Variants in DOCK7 observed in about 807,000 individuals in gnomAD.
The protein encoded by DOCK7 is dedicator of cytokinesis protein 7.
DOCK7 carries 138 observed loss-of-function variants against 271.0 expected under a neutral mutation model. That is an observed-to-expected ratio of 0.51 (90% CI 0.44 to 0.59). The LOEUF (loss-of-function observed/expected upper bound fraction) is 0.59. Ranked by LOEUF, DOCK7 falls within the 20% of genes least tolerant of loss-of-function variation. DOCK7 has a pLI of 0.00. For missense variants in DOCK7, 2,066 were observed against 2,592.4 expected, an observed-to-expected ratio of 0.80 and a Z score of 4.41; for synonymous variants, 823 against 876.1, an observed-to-expected ratio of 0.94 and a Z score of 1.07.
At chr1:62,594,212 C>G (rs1056793603) in intron 14 of DOCK7, among the ~76,000 whole-genome samples, 1 of 152,066 alleles carries the variant, frequency 6.6e-6, no homozygotes, top group Non-Finnish European at 1.5e-5. Context: ...CTGCTTTTAG[C>G]AGTGTGTACT....
At chr1:62,637,356 T>C (rs1451499024) in intron 7 of DOCK7, among the ~76,000 whole-genome samples, 1 of 152,206 alleles carries the variant, frequency 6.6e-6, no homozygotes. Flanking sequence ...AATGAAATAA[T>C]ATATAATGTG....
intron 14 of DOCK7, among the ~76,000 whole-genome samples, chr1:62,616,254 C>T (rs1281946847): frequency 6.6e-6 from 1 of 151,682 alleles, no homozygotes; most frequent in Non-Finnish European, 1.5e-5. Flanking sequence ...GCGCATTACT[C>T]AATTCCCATT....
In DOCK7 at chr1:62,520,831, T is replaced by C. The variant is rs531370926; in HGVS notation, c.3937-6933A>G. ...ATGTTTACTGTGGCACTATTCACAG[T>C]AGCAAAGACTTAGAAACAATCCCAA... On this transcript the variant is annotated intron_variant, in intron 31 of 49. Coordinates refer to ENST00000635253, the MANE Select transcript of DOCK7 (RefSeq NM_001367561.1). Among the ~76,000 whole-genome samples the C allele has an allele frequency of 2.6e-4, 39 of 152,278 alleles. No homozygotes were observed. In the South Asian group the frequency reaches 6.8e-3, roughly 27 times the overall value.
At chr1:62,675,751 C>T (rs1214297023) in intron 1 of DOCK7, among the ~76,000 whole-genome samples, 1 of 151,684 alleles carries the variant, frequency 6.6e-6, no homozygotes, top group African/African-American at 2.4e-5. Context: ...CGCCACTGTA[C>T]TCCAGCCTGG....
rs767090637 is a variant in DOCK7 at position 62,543,672 on chromosome 1, C to T, written c.2933G>A (p.Arg978His). ...TGAATCTACCTTTTTAGTTGGTAAGCGTCCCGTTAATGTTTGTAAGAAACT... is the reference window on the plus strand; with the variant it reads ...TGAATCTACCTTTTTAGTTGGTAAGTGTCCCGTTAATGTTTGTAAGAAACT... ...TSSFLQTLTG[R>H]LPTKKLFHEE... The change falls in exon 24 of 50, where the codon CGC becomes CAC. Residue 978 changes from arginine (R) to histidine (H), a missense_variant. By Grantham distance (29) the Arg-to-His change is conservative (BLOSUM62 0). This residue lies in a region of DOCK7 where 1,414 missense variants were observed against 1,670.4 expected (regional missense o/e 0.85). Coordinates refer to ENST00000635253, the MANE Select transcript of DOCK7 (RefSeq NM_001367561.1). 1.9e-6 allele frequency: 3 copies of T among 1,599,620 alleles called. No individual in the cohort carries two copies. Among genetic ancestry groups the T allele is most frequent in the South Asian group, 2.2e-5 (2 of 89,240 alleles).
intron 31 of DOCK7, among the ~76,000 whole-genome samples, chr1:62,526,156 G>A (rs1645001563): frequency 6.6e-6 from 1 of 152,064 alleles, no homozygotes; most frequent in Non-Finnish European, 1.5e-5. Flanking sequence ...CCCCAGGCTG[G>A]TCTCAAACTC....
chr1:62,541,645 T>C (rs1490838155), intron 25 of DOCK7, among the ~76,000 whole-genome samples: 1 of 152,152 alleles, frequency 6.6e-6, no homozygotes, highest in African/African-American at 2.4e-5. Flanking sequence ...ATAATATGAA[T>C]AACATACAAA....
At chr1:62,618,318 A>G (rs762311786) in intron 14 of DOCK7, among the ~76,000 whole-genome samples, 3 of 152,160 alleles carry the variant, frequency 2.0e-5, no homozygotes, top group Non-Finnish European at 4.4e-5. Context: ...AAAACATTTG[A>G]GAAAACATAG....
At chr1:62,640,454 G>A (rs371085076) in intron 7 of DOCK7, among the ~76,000 whole-genome samples, 4 of 152,216 alleles carry the variant, frequency 2.6e-5, no homozygotes, top group African/African-American at 9.6e-5. Flanking sequence ...CCCGGGAGGC[G>A]GAGGTTGCAG....
intron 1 of DOCK7, among the ~76,000 whole-genome samples, chr1:62,666,341 C>T (rs1659315753): frequency 6.6e-6 from 1 of 152,002 alleles, no homozygotes; most frequent in Non-Finnish European, 1.5e-5. Flanking sequence ...CAAAAAGAGG[C>T]AATCTTTTGT....
At chr1:62,455,510 A>G in intron 49 of DOCK7, 54 bp from the exon 50 acceptor site, 1 of 1,522,688 alleles carries the variant, frequency 6.6e-7, no homozygotes, top group Non-Finnish European at 9.1e-7. Flanking sequence ...TTTTGCATAT[A>G]CCTTTAAATG....
At chr1:62,596,459 A>AT (rs565874988) in intron 14 of DOCK7, among the ~76,000 whole-genome samples, 1 of 152,166 alleles carries the variant, frequency 6.6e-6, no homozygotes, top group Non-Finnish European at 1.5e-5. Flanking sequence ...AGCATTTAGT[A>AT]TTTTTTTAAC....
At chr1:62,550,047 AC>A (rs1317912564) in intron 22 of DOCK7, among the ~76,000 whole-genome samples, 1 of 152,206 alleles carries the variant, frequency 6.6e-6, no homozygotes, top group African/African-American at 2.4e-5. Flanking sequence ...TATATGTACC[AC>A]ATTTTGTTTA....
intron 49 of DOCK7, among the ~76,000 whole-genome samples, chr1:62,456,172 T>C (rs1052903989): frequency 2.0e-5 from 3 of 152,236 alleles, no homozygotes; most frequent in African/African-American, 4.8e-5. Flanking sequence ...TTGGCATTAA[T>C]ATGAAATTAG....
rs745804830 is a variant in DOCK7, at chr1:62,529,335, C to T, written c.3723G>A (p.Leu1241=). ...TGATAATACCAATCAGAGGTAGATA[C>T]AACATGGCCACTCGAGCCTTTATCT... ...DPQIKARVAM[L]YLPLIGIIME... is the part of the protein sequence containing the mutation. Residue 1241 remains leucine, a synonymous_variant, in exon 30 of 50, where the codon TTG becomes TTA. Coordinates refer to ENST00000635253, the MANE Select transcript of DOCK7 (RefSeq NM_001367561.1). 1 of 1,613,546 alleles carries T rather than the reference C, an allele frequency of 6.2e-7. No individual in the cohort carries two copies. Among genetic ancestry groups the T allele is most frequent in the South Asian group, 1.1e-5 (1 of 91,004 alleles).
chr1:62,539,732 G>A lies in DOCK7; in HGVS notation c.3186+20C>T. On this transcript the variant is annotated intron_variant, in intron 26 of 49. Transcript: ENST00000635253. The stretch of plus-strand genomic sequence containing the variant: ...ATCTGAGCTTGAAAGAGAGATAAGT[G>A]GGGAAAAAGTTATCATTACCTTCTG... The A allele has an allele frequency of 1.2e-6, 2 of 1,611,294 alleles. No individual in the cohort carries two copies. Among genetic ancestry groups the A allele is most frequent in the Non-Finnish European group, 1.7e-6 (2 of 1,179,052 alleles).
chr1:62,575,415 T>C (rs11207990), intron 18 of DOCK7, among the ~76,000 whole-genome samples: 88,067 of 151,958 alleles, frequency 0.58, 27,315 homozygotes, highest in East Asian at 0.76. Context: ...TTCTACTTAG[T>C]GATAGTAAAT....
chr1:62,511,715 T>A (rs1222191287), intron 33 of DOCK7, among the ~76,000 whole-genome samples: 1 of 152,044 alleles, frequency 6.6e-6, no homozygotes, highest in Non-Finnish European at 1.5e-5. Context: ...CTTATCTCTT[T>A]CTCTTTTTTA....
rs1226272172 is a variant in DOCK7, at chr1:62,474,041, G to A, written c.6153C>T (p.Asp2051=). The change falls in exon 48 of 50, where the codon GAC becomes GAT. Residue 2051 remains aspartate (D), a synonymous_variant. Transcript: ENST00000635253. ...AQVFLSEIPS[D]PKLFRHHNKL... ...TATTATGATGTCTGAAGAGCTTTGG[G>A]TCACTAGGTATTTCAGACAGAAAAA... 6.2e-7 allele frequency: 1 copy of A among 1,613,838 alleles called. No homozygotes were observed. The highest frequency in any genetic ancestry group is 8.5e-7 in the Non-Finnish European group (1 of 1,179,910).
Sources: allele counts gnomAD v4.1 joint callset (sites outside exome capture counted in the v4.1 genomes callset), GRCh38; gene constraint gnomAD v4.1.1; regional missense constraint gnomAD v4.1.1; transcripts MANE v1.5; gene names NCBI Gene and HGNC (gene_info 2026-07-23, HGNC 2026-07-21).